The following RIPOR2 variants were observed in gnomAD, a reference collection of about 807,000 sequenced individuals.
RIPOR2 encodes the protein RHO family interacting cell polarization regulator 2, also known as rho family-interacting cell polarization regulator 2.
Under a neutral mutation model 114.5 loss-of-function variants are expected in RIPOR2, and 39 were observed. The ratio of observed to expected loss-of-function variants is 0.34; its 90% CI spans 0.26 to 0.44. The LOEUF (loss-of-function observed/expected upper bound fraction) is 0.44. Among genes scored for constraint, RIPOR2 ranks in the 20% least tolerant of loss-of-function variants. The probability of loss-of-function intolerance (pLI) is 1.00; values close to 1 mark genes in which losing one functional copy is unlikely to be tolerated. For missense variants in RIPOR2, 1,007 were observed against 1,255.1 expected, an observed-to-expected ratio of 0.80 and a Z score of 2.99; for synonymous variants, 445 against 484.4, an observed-to-expected ratio of 0.92 and a Z score of 1.07.
chr6:24,937,676 G>C (rs1771892141), upstream of RIPOR2, among the ~76,000 whole-genome samples: 1 of 152,184 alleles, frequency 6.6e-6, no homozygotes, highest in African/African-American at 2.4e-5. Flanking sequence ...CTCAACTACT[G>C]TCCTATGTCC....
chr6:24,843,536 T>C lies in RIPOR2; in HGVS notation c.1183A>G (p.Ile395Val), dbSNP rs1479067391. The change falls in exon 13 of 22, where the codon ATC (isoleucine) becomes GTC (valine). Residue 395 changes from isoleucine to valine, a missense_variant. Transcript: ENST00000643898. ...HSFFSNLPDD[I>V]FENGKAAEEK... ...TCGGCTGCCTTTCCATTTTCAAAGA[T>C]GTCATCAGGTAGATTTGACTATAGA... 6.6e-7 allele frequency: 1 copy of C among 1,522,764 alleles called. No homozygotes were observed. The highest frequency in any genetic ancestry group is 1.3e-5 in the South Asian group (1 of 76,506). The allele number at this position is 1,522,764 out of a possible 1,614,324, so 94.3% of individuals were successfully genotyped here. A position where few individuals can be genotyped will look rare whatever the true frequency, so the allele number is the denominator to read the frequency against.
At chr6:24,922,596 A>G (rs1371918636) in intron 1 of RIPOR2, among the ~76,000 whole-genome samples, 1 of 152,070 alleles carries the variant, frequency 6.6e-6, no homozygotes, top group African/African-American at 2.4e-5. Context: ...ACGGTGGCTC[A>G]CGCCTGTAAT....
At chr6:24,809,694 TA>T in intron 21 of RIPOR2, 22 bp downstream of exon 21, 1 of 1,454,124 alleles carries the variant, frequency 6.9e-7, no homozygotes, top group Non-Finnish European at 9.5e-7. Context: ...AACAATCATG[TA>T]AACAACAACA....
intron 1 of RIPOR2, among the ~76,000 whole-genome samples, chr6:24,999,558 C>CT (rs34050235): frequency 0.33 from 45,562 of 137,568 alleles, 7,970 homozygotes; most frequent in South Asian, 0.41. Context: ...CTGACTCATC[C>CT]TTTTTTTTTT....
intron 1 of RIPOR2, among the ~76,000 whole-genome samples, chr6:24,914,447 A>G (rs561981731): frequency 1.9e-4 from 29 of 152,324 alleles, no homozygotes; most frequent in Non-Finnish European, 3.7e-4. Context: ...TAAGGGCCGG[A>G]GGTAAGCCCA....
rs1174727085 is a variant in RIPOR2 at position 24,815,687 on chromosome 6, G to T, written c.2952+2855C>A. On this transcript the variant is annotated intron_variant, in intron 20 of 21. Transcript: ENST00000643898. The stretch of plus-strand genomic sequence containing the variant: ...AGAATTTAGTCCGTTTATATTTAAA[G>T]TTAATATTGTTATGTGTGAATTTGA... 1.1e-4 allele frequency among the ~76,000 whole-genome samples: 2 copies of T among 18,976 alleles called. 1 individual carries two copies. The highest frequency in any genetic ancestry group is 2.5e-4 in the Non-Finnish European group (2 of 7,854). The allele number at this position is 18,976 out of a possible 152,430, so 12.4% of individuals were successfully genotyped here.
intron 11 of RIPOR2, among the ~76,000 whole-genome samples, chr6:24,848,621 T>C (rs1446953812): frequency 2.6e-5 from 4 of 152,128 alleles, no homozygotes; most frequent in Non-Finnish European, 5.9e-5. Flanking sequence ...GCCTCTTGTG[T>C]GGGAAGAGAA....
At chr6:24,973,632 A>G (rs1352970510) in intron 1 of RIPOR2, among the ~76,000 whole-genome samples, 1 of 151,914 alleles carries the variant, frequency 6.6e-6, no homozygotes, top group East Asian at 1.9e-4. Flanking sequence ...TACCAAAAAG[A>G]CATATGCACT....
chr6:24,955,000 A>G (rs534011977), intron 1 of RIPOR2, among the ~76,000 whole-genome samples: 1 of 152,312 alleles, frequency 6.6e-6, no homozygotes, highest in African/African-American at 2.4e-5. Context: ...ATATATCCTG[A>G]TTTGTAGAAC....
chr6:24,809,941 G>A (rs1781032724), intron 20 of RIPOR2, 134 bp from the exon 21 acceptor site: 3 of 644,352 alleles, frequency 4.7e-6, no homozygotes, highest in Non-Finnish European at 5.6e-6. Context: ...AGCAATCATA[G>A]CTCACTGCAG....
chr6:24,953,613 T>C (rs1480006202), intron 1 of RIPOR2, among the ~76,000 whole-genome samples: 1 of 152,204 alleles, frequency 6.6e-6, no homozygotes, highest in African/African-American at 2.4e-5. Context: ...AAGGTCGCTC[T>C]CACCTTTCCC....
At chr6:24,850,898 C>A (rs895208579) in intron 9 of RIPOR2, among the ~76,000 whole-genome samples, 176 bp from the exon 10 acceptor site, 10 of 138,410 alleles carry the variant, frequency 7.2e-5, no homozygotes, top group African/African-American at 2.6e-4. Flanking sequence ...GGGGAGGAGA[C>A]TTTTTTTTTT....
At chr6:25,040,219 G>A (rs1777407417) in intron 1 of RIPOR2, among the ~76,000 whole-genome samples, 1 of 151,804 alleles carries the variant, frequency 6.6e-6, no homozygotes, top group Non-Finnish European at 1.5e-5. Flanking sequence ...GGGTTCAAGC[G>A]ATTCTCCAGT....
chr6:24,876,952 A>G, intron 1 of RIPOR2: 1 of 984,796 alleles, frequency 1.0e-6, no homozygotes, highest in Non-Finnish European at 1.2e-6. Context: ...AGCACATACC[A>G]TTGTCTTAGC....
At chr6:25,022,906 A>C (rs1776399633) in intron 1 of RIPOR2, among the ~76,000 whole-genome samples, 1 of 152,184 alleles carries the variant, frequency 6.6e-6, no homozygotes, top group Non-Finnish European at 1.5e-5. Flanking sequence ...AGACAGGTGA[A>C]GACAGGAAAA....
intron 1 of RIPOR2, among the ~76,000 whole-genome samples, chr6:24,948,515 C>T (rs1208594795): frequency 7.0e-6 from 1 of 143,678 alleles, no homozygotes; most frequent in East Asian, 2.0e-4. Flanking sequence ...AATCACTCTG[C>T]TATTTCTTTC....
chr6:24,841,617 ATTTT>A (rs11336541), intron 13 of RIPOR2, among the ~76,000 whole-genome samples: 17 of 127,460 alleles, frequency 1.3e-4, no homozygotes, highest in Non-Finnish European at 2.1e-4. Context: ...CAATCACCAT[ATTTT>A]TTTTTTTTTT....
In RIPOR2 at chr6:25,022,532, A is replaced by ATTTTTTTTTTTTTTTTTTTTTTTTTTTTT. The variant is rs10564019; in HGVS notation, c.76+19290_76+19318dup. Among the ~76,000 whole-genome samples, 3 of 40,992 alleles carry ATTTTTTTTTTTTTTTTTTTTTTTTTTTTT rather than the reference A, an allele frequency of 7.3e-5. 1 individual carries two copies. The highest frequency in any genetic ancestry group is 1.4e-4 in the Non-Finnish European group (3 of 20,704). 26.9% of individuals were successfully genotyped at this position (40,992 alleles called of 152,430 possible). A position where few individuals can be genotyped will look rare whatever the true frequency, so the allele number is the denominator to read the frequency against. ...ACATATAACTAATGTGGTACCTTCC[A>ATTTTTTTTTTTTTTTTTTTTTTTTTTTTT]TTTTTTTTTTTTTTTTTTTTTTTTT... On this transcript the variant is annotated intron_variant, in intron 1 of 13. Coordinates refer to the RIPOR2 transcript ENST00000510784.
intron 1 of RIPOR2, among the ~76,000 whole-genome samples, chr6:24,945,027 A>G (rs1002093090): frequency 3.3e-5 from 5 of 152,176 alleles, no homozygotes; most frequent in African/African-American, 1.2e-4. Flanking sequence ...TGTTCCCGCC[A>G]CAAAGAAAAG....
Sources: gnomAD v4.1 joint callset for allele counts (sites outside exome capture counted in the v4.1 genomes callset) on GRCh38, gnomAD v4.1.1 for gene constraint, MANE v1.5 for transcripts, NCBI Gene and HGNC (gene_info 2026-07-23, HGNC 2026-07-21) for gene names.